The following IGSF11 variants were observed in gnomAD, a reference collection of about 807,000 sequenced individuals.
The protein encoded by IGSF11 is immunoglobulin superfamily member 11, also known as CXADR like 1.
Under a neutral mutation model 41.0 loss-of-function variants are expected in IGSF11, and 22 were observed. The ratio of observed to expected loss-of-function variants is 0.54; its 90% CI spans 0.38 to 0.77. The LOEUF (loss-of-function observed/expected upper bound fraction) is 0.77, where lower values mean the gene tolerates loss of function less well. Among genes scored for constraint, IGSF11 ranks in the 30% least tolerant of loss-of-function variants. The pLI, the probability that IGSF11 is intolerant of heterozygous loss-of-function variation, is 0.00. For missense variants in IGSF11, 444 were observed against 530.8 expected, an observed-to-expected ratio of 0.84 and a Z score of 1.61; for synonymous variants, 219 against 201.3, an observed-to-expected ratio of 1.09 and a Z score of -0.74.
intron 1 of IGSF11, among the ~76,000 whole-genome samples, chr3:119,118,871 G>C (rs1395628491): frequency 6.6e-6 from 1 of 151,996 alleles, no homozygotes; most frequent in Non-Finnish European, 1.5e-5. Flanking sequence ...AAATCTCTAG[G>C]ACAGGGGCAA....
intron 1 of IGSF11, among the ~76,000 whole-genome samples, chr3:119,051,371 A>G (rs1202386353): frequency 6.6e-6 from 1 of 152,006 alleles, no homozygotes; most frequent in Non-Finnish European, 1.5e-5. Flanking sequence ...AACAGTTAAA[A>G]AAAATAAAGA....
chr3:118,995,872 C>T (rs1373497000), intron 1 of IGSF11, among the ~76,000 whole-genome samples: 2 of 152,040 alleles, frequency 1.3e-5, no homozygotes, highest in Non-Finnish European at 2.9e-5. Context: ...AGGATGGTCT[C>T]GATCTGACCT....
intron 1 of IGSF11, among the ~76,000 whole-genome samples, chr3:118,988,843 T>C (rs1011475657): frequency 6.6e-6 from 1 of 152,238 alleles, no homozygotes; most frequent in Non-Finnish European, 1.5e-5. Flanking sequence ...CTTCCTGAAC[T>C]GTGAGGTTTC....
At chr3:119,054,282 T>C (rs1941735292) in intron 1 of IGSF11, among the ~76,000 whole-genome samples, 1 of 151,914 alleles carries the variant, frequency 6.6e-6, no homozygotes, top group Non-Finnish European at 1.5e-5. Flanking sequence ...ACAAACTATG[T>C]ATCCAACAAA....
intron 1 of IGSF11, among the ~76,000 whole-genome samples, chr3:119,068,996 A>G (rs1311751322): frequency 1.4e-5 from 2 of 139,334 alleles, no homozygotes; most frequent in African/African-American, 5.4e-5. Context: ...GCGCAATCTC[A>G]GCTCACTGCA....
At chr3:119,132,988 G>T (rs2077505605) in intron 1 of IGSF11, among the ~76,000 whole-genome samples, 1 of 152,046 alleles carries the variant, frequency 6.6e-6, no homozygotes, top group Non-Finnish European at 1.5e-5. Context: ...ACAAAATAAA[G>T]GCAGAAATAA....
intron 1 of IGSF11, among the ~76,000 whole-genome samples, chr3:118,946,524 T>A (rs1365219058): frequency 6.6e-6 from 1 of 151,988 alleles, no homozygotes; most frequent in African/African-American, 2.4e-5. Context: ...CAATGCTTAG[T>A]CCTGAAGAAT....
intron 1 of IGSF11, among the ~76,000 whole-genome samples, chr3:119,056,459 G>C (rs994436169): frequency 1.3e-5 from 2 of 152,076 alleles, no homozygotes; most frequent in South Asian, 2.1e-4. Context: ...ATAACAGGAT[G>C]TGAAATTGAG....
At chr3:118,917,164 C>T (rs1163934830) in intron 4 of IGSF11, among the ~76,000 whole-genome samples, 4 of 147,944 alleles carry the variant, frequency 2.7e-5, no homozygotes, top group African/African-American at 1.0e-4. Context: ...AGGAAAGATC[C>T]AAAATTGACA....
chr3:119,001,910 T>C (rs1031408652), intron 1 of IGSF11, among the ~76,000 whole-genome samples: 1 of 134,054 alleles, frequency 7.5e-6, no homozygotes, highest in Non-Finnish European at 1.5e-5. Context: ...TTTGCTATTG[T>C]GAATAATGCC....
intron 1 of IGSF11, among the ~76,000 whole-genome samples, chr3:119,003,970 G>A (rs569636253): frequency 6.6e-6 from 1 of 151,400 alleles, no homozygotes; most frequent in East Asian, 1.9e-4. Context: ...GAATGATGTT[G>A]GCCTCATAAA....
chr3:119,015,174 T>C lies in IGSF11; in HGVS notation c.52+19357A>G, dbSNP rs1328025777. 2.6e-5 allele frequency among the ~76,000 whole-genome samples: 4 copies of C among 152,174 alleles called. No homozygotes were observed. The East Asian group carries it at 7.7e-4, about 29-fold the overall frequency. On this transcript the variant is annotated intron_variant, in intron 1 of 6. Coordinates refer to ENST00000393775, the MANE Select transcript of IGSF11 (RefSeq NM_001015887.3). ...ATAAAACTATCTCCGGAAATAAGCATTTGCTGGGTCCACACATCTTTCCTA... is the reference window on the plus strand; with the variant it reads ...ATAAAACTATCTCCGGAAATAAGCACTTGCTGGGTCCACACATCTTTCCTA...
chr3:119,076,895 T>A (rs1400691576), intron 1 of IGSF11, among the ~76,000 whole-genome samples: 9 of 152,162 alleles, frequency 5.9e-5, no homozygotes. Context: ...GAAATACCAT[T>A]TGACCCAGCG....
Position 119,034,814 on chromosome 3 carries a change from G to A in IGSF11, c.-232C>T, listed in dbSNP as rs1433756921. On this transcript the variant is annotated 5_prime_UTR_variant, in exon 1 of 7. Coordinates refer to ENST00000393775, the MANE Select transcript of IGSF11 (RefSeq NM_001015887.3). Reference sequence around the variant, plus strand: ...CTGTGACCAGAGGCGTTCCGGGCTCGCCAGCCGTGCCACCCAGCCCTGCCC... The same window carrying A: ...CTGTGACCAGAGGCGTTCCGGGCTCACCAGCCGTGCCACCCAGCCCTGCCC... The A allele has an allele frequency of 2.4e-6, 3 of 1,255,874 alleles. No individual in the cohort carries two copies. Among genetic ancestry groups the A allele is most frequent in the Non-Finnish European group, 3.0e-6 (3 of 999,790 alleles). The allele number at this position is 1,255,874 out of a possible 1,614,324, so 77.8% of individuals were successfully genotyped here.
At chr3:119,110,171 A>T (rs2077123177), upstream of IGSF11, among the ~76,000 whole-genome samples, 1 of 151,900 alleles carries the variant, frequency 6.6e-6, no homozygotes, top group Non-Finnish European at 1.5e-5. Flanking sequence ...TGTAGATCTG[A>T]CTAATGTTGA....
upstream of IGSF11, among the ~76,000 whole-genome samples, chr3:119,106,234 T>C (rs1040368254): frequency 1.1e-4 from 16 of 152,180 alleles, no homozygotes; most frequent in Non-Finnish European, 1.9e-4. Flanking sequence ...TTTTAGTTGT[T>C]TTTAAGGATG....
At chr3:119,133,987 A>G (rs2107542407) in intron 1 of IGSF11, among the ~76,000 whole-genome samples, 1 of 152,358 alleles carries the variant, frequency 6.6e-6, no homozygotes. Context: ...CAACAGATGC[A>G]GAAAAGGCCT....
intron 1 of IGSF11, among the ~76,000 whole-genome samples, chr3:119,054,391 T>A (rs775576389): frequency 3.3e-4 from 50 of 152,106 alleles, no homozygotes; most frequent in Non-Finnish European, 8.8e-5. Flanking sequence ...TAGGCAATTA[T>A]CAAAAGAAGA....
intron 1 of IGSF11, among the ~76,000 whole-genome samples, chr3:119,112,133 A>C (rs2077175329): frequency 6.6e-6 from 1 of 152,236 alleles, no homozygotes; most frequent in Non-Finnish European, 1.5e-5. Flanking sequence ...GCTGTCAGAC[A>C]GGGACATTTA....
Sources: allele counts gnomAD v4.1 joint callset (sites outside exome capture counted in the v4.1 genomes callset), GRCh38; gene constraint gnomAD v4.1.1; transcripts MANE v1.5; gene names NCBI Gene and HGNC (gene_info 2026-07-23, HGNC 2026-07-21).